Variants in EIF2B3 observed in about 807,000 individuals in gnomAD.
EIF2B3 encodes eukaryotic translation initiation factor 2B subunit gamma.
EIF2B3 carries 20 observed loss-of-function variants against 54.1 expected under a neutral mutation model. The ratio of observed to expected loss-of-function variants is 0.37; its 90% CI spans 0.26 to 0.54. The LOEUF is 0.54. EIF2B3 is among the 20% of genes least tolerant of loss of function. The pLI, the probability that EIF2B3 is intolerant of heterozygous loss-of-function variation, is 0.86. For synonymous variants in EIF2B3, 153 were observed against 188.1 expected, an observed-to-expected ratio of 0.81 and a Z score of 1.52; for missense variants, 448 against 547.8, an observed-to-expected ratio of 0.82 and a Z score of 1.82.
At position 44,864,815 on chromosome 1, in the gene EIF2B3, T is replaced by C. The variant is rs797017975; in HGVS notation, c.1203-7008A>G. ...GATTCTTTTGTGTTTTCTTTCCTTG[T>C]AGGGATGAAATATGGGAGGTTATAA... is the stretch of plus-strand genomic sequence containing the variant. On this transcript the variant is annotated intron_variant, in intron 10 of 11. Coordinates refer to ENST00000360403, the MANE Select transcript of EIF2B3 (RefSeq NM_020365.5). Among the ~76,000 whole-genome samples, 43 of 152,308 alleles carry C rather than the reference T, an allele frequency of 2.8e-4. 1 individual carries two copies. Among genetic ancestry groups the C allele is most frequent in the African/African-American group, 9.9e-4 (41 of 41,578 alleles).
At chr1:44,948,195 T>A (rs1337447522) in intron 3 of EIF2B3, among the ~76,000 whole-genome samples, 1 of 152,220 alleles carries the variant, frequency 6.6e-6, no homozygotes, top group African/African-American at 2.4e-5. Context: ...AGTCAGTAAG[T>A]AAGAAATGTG....
intron 3 of EIF2B3, among the ~76,000 whole-genome samples, chr1:44,966,989 T>A (rs1451498500): frequency 6.6e-6 from 1 of 151,838 alleles, no homozygotes; most frequent in Non-Finnish European, 1.5e-5. Flanking sequence ...CTAATTTTTA[T>A]ATTTTTAGTA....
At chr1:44,982,042 T>A (rs1644520048) in intron 1 of EIF2B3, among the ~76,000 whole-genome samples, 1 of 151,828 alleles carries the variant, frequency 6.6e-6, no homozygotes, top group Non-Finnish European at 1.5e-5. Context: ...CTGAAAAGTA[T>A]GAAATGACTT....
chr1:44,938,478 T>TTCTCTC (rs141848663), intron 4 of EIF2B3, among the ~76,000 whole-genome samples: 1 of 144,688 alleles, frequency 6.9e-6, no homozygotes, highest in Non-Finnish European at 1.5e-5. Context: ...GAGACCTAAT[T>TTCTCTC]TCTCTCTCTC....
intron 5 of EIF2B3, among the ~76,000 whole-genome samples, chr1:44,908,789 G>C (rs1193689979): frequency 6.6e-6 from 1 of 152,182 alleles, no homozygotes; most frequent in East Asian, 1.9e-4. Flanking sequence ...AGAAGAAAGG[G>C]GGTAAAAGGC....
chr1:44,953,003 A>G (rs964434448), intron 3 of EIF2B3, among the ~76,000 whole-genome samples: 3 of 152,234 alleles, frequency 2.0e-5, no homozygotes, highest in African/African-American at 7.2e-5. Context: ...CCTTGTAGGT[A>G]GCAAAAATAT....
intron 1 of EIF2B3, among the ~76,000 whole-genome samples, chr1:44,981,491 A>C (rs1644512175): frequency 6.6e-6 from 1 of 152,216 alleles, no homozygotes; most frequent in Non-Finnish European, 1.5e-5. Context: ...CCACAGCAGA[A>C]AAATATCCAA....
At chr1:44,869,945 T>C (rs1280369227) in intron 10 of EIF2B3, among the ~76,000 whole-genome samples, 1 of 152,088 alleles carries the variant, frequency 6.6e-6, no homozygotes, top group African/African-American at 2.4e-5. Context: ...GGTGGTGTAG[T>C]GGCTCATGCC....
chr1:44,947,074 G>A (rs1644110722), intron 3 of EIF2B3, among the ~76,000 whole-genome samples: 1 of 152,152 alleles, frequency 6.6e-6, no homozygotes, highest in Non-Finnish European at 1.5e-5. Context: ...CCAACAGTAT[G>A]CCTCTTCTGC....
intron 3 of EIF2B3, among the ~76,000 whole-genome samples, chr1:44,974,505 G>A (rs919920959): frequency 6.6e-6 from 1 of 151,246 alleles, no homozygotes; most frequent in African/African-American, 2.4e-5. Flanking sequence ...AAAGAAATTA[G>A]CCGGGCATGG....
chr1:44,899,566 T>C (rs568205376), intron 5 of EIF2B3, among the ~76,000 whole-genome samples: 9 of 152,048 alleles, frequency 5.9e-5, no homozygotes. Context: ...AACAAACACA[T>C]GAAGAAATGC....
intron 3 of EIF2B3, among the ~76,000 whole-genome samples, chr1:44,966,833 G>T: frequency 6.6e-6 from 1 of 152,122 alleles, no homozygotes; most frequent in African/African-American, 2.4e-5. Flanking sequence ...TAATATTTCT[G>T]TTTTTTTGAG....
At chr1:44,944,092 C>T (rs1051467089) in intron 3 of EIF2B3, among the ~76,000 whole-genome samples, 11 of 151,458 alleles carry the variant, frequency 7.3e-5, no homozygotes, top group African/African-American at 2.7e-4. Context: ...TGCAGTGGGC[C>T]GAGATAGCAC....
At position 44,922,578 on chromosome 1, in the gene EIF2B3, C is replaced by T. The variant is rs1225041695; in HGVS notation, c.566+4050G>A. Among the ~76,000 whole-genome samples the T allele has an allele frequency of 5.6e-5, 7 of 124,950 alleles. No homozygotes were observed. In the Admixed American group the frequency reaches 6.4e-4, roughly 11 times the overall value. 82.0% of individuals were successfully genotyped at this position (124,950 alleles called of 152,430 possible). On this transcript the variant is annotated intron_variant, in intron 5 of 11. Coordinates refer to ENST00000360403, the MANE Select transcript of EIF2B3 (RefSeq NM_020365.5). ...CTCTAGCCTGGGATATAGAGCGAGA[C>T]TCTGTCTCAAGACAAAAAAAAAAAA...
Position 44,877,192 on chromosome 1 carries a change from T to TAAA in EIF2B3, c.976-1500_976-1498dup, listed in dbSNP as rs768263508. On this transcript the variant is annotated intron_variant, in intron 8 of 11. Coordinates refer to ENST00000360403, the MANE Select transcript of EIF2B3 (RefSeq NM_020365.5). ...GCGAGAAACACCCAAGAATGATCAA[T>TAAA]AAAAAAAAAAAAAAAAAAAAAAAAA... 6.3e-4 allele frequency among the ~76,000 whole-genome samples: 33 copies of TAAA among 52,068 alleles called. 2 individuals are homozygous for TAAA. Among genetic ancestry groups the TAAA allele is most frequent in the Admixed American group, 1.4e-3 (7 of 4,972 alleles). 34.2% of individuals were successfully genotyped at this position (52,068 alleles called of 152,430 possible). A position where few individuals can be genotyped will look rare whatever the true frequency, so the allele number is the denominator to read the frequency against.
intron 9 of EIF2B3, 85 bp from the exon 10 acceptor site, chr1:44,874,911 T>A: frequency 6.5e-7 from 1 of 1,538,842 alleles, no homozygotes; most frequent in South Asian, 1.1e-5. Context: ...TGGGATCTAA[T>A]GGGATCTTTC....
intron 5 of EIF2B3, among the ~76,000 whole-genome samples, chr1:44,918,959 C>T (rs56102504): frequency 0.17 from 25,855 of 152,168 alleles, 2,306 homozygotes; most frequent in Non-Finnish European, 0.18. Flanking sequence ...TTCCCTCATG[C>T]TTCCAACATA....
intron 11 of EIF2B3, among the ~76,000 whole-genome samples, chr1:44,857,215 C>T (rs1316537744): frequency 6.6e-6 from 1 of 152,090 alleles, no homozygotes; most frequent in East Asian, 1.9e-4. Flanking sequence ...AGAAATGAAA[C>T]TGTTAAGTCA....
intron 6 of EIF2B3, among the ~76,000 whole-genome samples, chr1:44,882,939 T>C (rs572760373): frequency 1.4e-5 from 2 of 145,100 alleles, no homozygotes; most frequent in South Asian, 2.3e-4. Context: ...TTTTTTTTTT[T>C]TTTTTTTTGA....
Sources: gnomAD v4.1 joint callset for allele counts (sites outside exome capture counted in the v4.1 genomes callset) on GRCh38, gnomAD v4.1.1 for gene constraint, MANE v1.5 for transcripts, NCBI Gene and HGNC (gene_info 2026-07-23, HGNC 2026-07-21) for gene names.